KLHL32: variants seen among roughly 807,000 people sequenced by gnomAD.
KLHL32 encodes kelch like family member 32, also known as kelch-like protein 32.
In KLHL32, 35 loss-of-function variants were observed where a neutral mutation model predicts 64.8. That is an observed-to-expected ratio of 0.54 (90% CI 0.41 to 0.72). The LOEUF (loss-of-function observed/expected upper bound fraction) is 0.72. KLHL32 is among the 30% of genes least tolerant of loss of function. The probability of loss-of-function intolerance (pLI) is 0.00; values close to 1 mark genes in which losing one functional copy is unlikely to be tolerated. For missense variants in KLHL32, 589 were observed against 768.5 expected (o/e 0.77, Z 2.76); for synonymous variants, 259 against 281.0 (o/e 0.92, Z 0.78).
At chr6:97,134,750 T>C (rs1799804366) in intron 10 of KLHL32, among the ~76,000 whole-genome samples, 1 of 152,200 alleles carries the variant, frequency 6.6e-6, no homozygotes, top group South Asian at 2.1e-4. Flanking sequence ...GAAAATGCTG[T>C]ACGTATCAAG....
intron 7 of KLHL32, among the ~76,000 whole-genome samples, chr6:97,118,189 A>C (rs1797999163): frequency 6.6e-6 from 1 of 152,244 alleles, no homozygotes; most frequent in Non-Finnish European, 1.5e-5. Flanking sequence ...CATTTTAAAT[A>C]ACTTCAATTT....
the KLHL32 span, chr6:96,914,820 C>T: frequency 6.6e-6 from 1 of 152,098 alleles, no homozygotes; most frequent in East Asian, 1.9e-4. Flanking sequence ...CTGGTTCACC[C>T]CACCTAGGCA....
rs58422496 is a variant in KLHL32 at position 97,100,966 on chromosome 6, C to CTTTTTTTTTTT, written c.628-12806_628-12796dup. Among the ~76,000 whole-genome samples, 628 of 69,448 alleles carry CTTTTTTTTTTT rather than the reference C, an allele frequency of 9.0e-3. 124 individuals are homozygous for CTTTTTTTTTTT. Among genetic ancestry groups the CTTTTTTTTTTT allele is most frequent in the African/African-American group, 0.034 (483 of 14,096 alleles). The allele number at this position is 69,448 out of a possible 152,430, so 45.6% of individuals were successfully genotyped here. A position where few individuals can be genotyped will look rare whatever the true frequency, so the allele number is the denominator to read the frequency against. On this transcript the variant is annotated intron_variant, in intron 6 of 10. Transcript: ENST00000369261. ...ACAGGCATGTGCCACTGCAGCCAAG[C>CTTTTTTTTTTT]TTTTTTTTTTTTTTTTTTTTTGGTA...
At chr6:96,990,328 CT>C (rs1212221873) in intron 3 of KLHL32, among the ~76,000 whole-genome samples, 2 of 151,830 alleles carry the variant, frequency 1.3e-5, no homozygotes, top group Non-Finnish European at 2.9e-5. Flanking sequence ...ATTTCTTGTC[CT>C]TGTTTTTATG....
At chr6:97,133,748 C>G (rs891916299) in intron 10 of KLHL32, among the ~76,000 whole-genome samples, 1 of 151,976 alleles carries the variant, frequency 6.6e-6, no homozygotes, top group Non-Finnish European at 1.5e-5. Flanking sequence ...TAAAGTACTT[C>G]TATTATTCAT....
chr6:97,085,593 G>T (rs1793290117), intron 6 of KLHL32, among the ~76,000 whole-genome samples: 1 of 152,222 alleles, frequency 6.6e-6, no homozygotes, highest in African/African-American at 2.4e-5. Context: ...TGGCTTCCCA[G>T]AACCTAACGT....
At chr6:96,918,221 C>T in the KLHL32 span, among the ~76,000 whole-genome samples, 1 of 152,118 alleles carries the variant, frequency 6.6e-6, no homozygotes, top group Admixed American at 6.5e-5. Context: ...AGCAAGGATG[C>T]GTAGGGTGAG....
At chr6:97,092,687 A>G (rs1583000636) in intron 6 of KLHL32, among the ~76,000 whole-genome samples, 1 of 152,194 alleles carries the variant, frequency 6.6e-6, no homozygotes, top group Non-Finnish European at 1.5e-5. Flanking sequence ...CAGAGCATAT[A>G]TTTAATCTTT....
At chr6:96,977,504 A>C (rs1002059843) in intron 3 of KLHL32, among the ~76,000 whole-genome samples, 1 of 152,214 alleles carries the variant, frequency 6.6e-6, no homozygotes. Context: ...ACAAGTGACT[A>C]ATACTTTTGG....
upstream of KLHL32, among the ~76,000 whole-genome samples, chr6:96,919,968 C>A (rs6927053): frequency 0.19 from 29,508 of 152,150 alleles, 3,206 homozygotes; most frequent in Non-Finnish European, 0.25. Context: ...AACCAATCAA[C>A]CAACCGAATT....
chr6:97,047,470 G>T (rs1012571449), intron 4 of KLHL32, among the ~76,000 whole-genome samples: 6 of 152,170 alleles, frequency 3.9e-5, no homozygotes, highest in Admixed American at 1.3e-4. Flanking sequence ...GAAGCAAATG[G>T]TGACATAAAC....
At chr6:97,053,568 CACTT>C (rs1787299294) in intron 4 of KLHL32, among the ~76,000 whole-genome samples, 1 of 152,080 alleles carries the variant, frequency 6.6e-6, no homozygotes. Flanking sequence ...TTCAAATTCT[CACTT>C]ACTTACATGT....
chr6:96,929,548 A>G (rs1183738512), intron 1 of KLHL32, among the ~76,000 whole-genome samples: 2 of 152,206 alleles, frequency 1.3e-5, no homozygotes, highest in Non-Finnish European at 2.9e-5. Flanking sequence ...GAATTAGTAA[A>G]TAGAATTCAT....
the KLHL32 span, among the ~76,000 whole-genome samples, chr6:96,911,519 C>T: frequency 6.6e-6 from 1 of 152,154 alleles, no homozygotes; most frequent in Non-Finnish European, 1.5e-5. Context: ...CAAATCTCCT[C>T]CAGTGCTGTC....
the KLHL32 span, among the ~76,000 whole-genome samples, chr6:96,912,932 C>G: frequency 1.3e-5 from 2 of 152,170 alleles, no homozygotes; most frequent in African/African-American, 4.8e-5. Context: ...GAGAAGGAAC[C>G]ATAACTATCA....
At chr6:97,050,135 A>G (rs1766538) in intron 4 of KLHL32, among the ~76,000 whole-genome samples, 27,631 of 152,186 alleles carry the variant, frequency 0.18, 3,049 homozygotes, top group African/African-American at 0.32. Context: ...AAGAAGTTTA[A>G]CTGTGGCCAC....
intron 6 of KLHL32, 138 bp downstream of exon 6, chr6:97,085,479 T>A: frequency 1.4e-6 from 1 of 709,960 alleles, no homozygotes; most frequent in Non-Finnish European, 2.3e-6. Context: ...GCTTCCTTGA[T>A]GGACAAGTGA....
At chr6:96,915,340 A>AC in the KLHL32 span, among the ~76,000 whole-genome samples, 1 of 152,114 alleles carries the variant, frequency 6.6e-6, no homozygotes, top group Non-Finnish European at 1.5e-5. Context: ...AAAAGATAAG[A>AC]CCCTCCAAAT....
At chr6:97,029,334 A>G (rs1393190925) in intron 3 of KLHL32, among the ~76,000 whole-genome samples, 2 of 152,238 alleles carry the variant, frequency 1.3e-5, no homozygotes, top group Non-Finnish European at 2.9e-5. Context: ...TTAAATAAAC[A>G]AGCTACATAT....
Sources: allele counts gnomAD v4.1 joint callset (sites outside exome capture counted in the v4.1 genomes callset), GRCh38; gene constraint gnomAD v4.1.1; transcripts MANE v1.5; gene names NCBI Gene and HGNC (gene_info 2026-07-23, HGNC 2026-07-21).